MB21D2: variants seen among roughly 807,000 people sequenced by gnomAD.
MB21D2 encodes nucleotidyltransferase MB21D2.
Under a neutral mutation model 33.3 loss-of-function variants are expected in MB21D2, and 9 were observed. The ratio of observed to expected loss-of-function variants is 0.27; its 90% CI spans 0.16 to 0.47. The LOEUF is 0.47. Ranked by LOEUF, MB21D2 falls within the 20% of genes least tolerant of loss-of-function variation. The pLI, the probability that MB21D2 is intolerant of heterozygous loss-of-function variation, is 0.99. For synonymous variants in MB21D2, 241 were observed against 236.3 expected, an observed-to-expected ratio of 1.02 and a Z score of -0.18; for missense variants, 540 against 624.6, an observed-to-expected ratio of 0.86 and a Z score of 1.44.
At chr3:192,864,784 G>C (rs1010401753) in intron 1 of MB21D2, among the ~76,000 whole-genome samples, 3 of 152,176 alleles carry the variant, frequency 2.0e-5, no homozygotes, top group African/African-American at 4.8e-5. Flanking sequence ...TGGGGTTACA[G>C]GTGTGAGCCA....
chr3:192,884,468 T>A (rs570419635), intron 1 of MB21D2, among the ~76,000 whole-genome samples: 12 of 151,602 alleles, frequency 7.9e-5, no homozygotes, highest in Non-Finnish European at 7.4e-5. Context: ...CCGGGTTCAC[T>A]CCATTCTCCT....
intron 1 of MB21D2, among the ~76,000 whole-genome samples, chr3:192,897,133 G>A (rs1169900734): frequency 2.0e-5 from 3 of 152,108 alleles, no homozygotes; most frequent in Non-Finnish European, 2.9e-5. Context: ...AAACAACCTC[G>A]TGGGATCCAT....
rs1193068535 is a variant in MB21D2, at chr3:192,798,812, T to C, written c.1050A>G (p.Gln350=). 3 of 1,612,124 alleles carry C rather than the reference T, an allele frequency of 1.9e-6. No homozygotes were observed. Among genetic ancestry groups the C allele is most frequent in the South Asian group, 2.2e-5 (2 of 91,084 alleles). Residue 350 remains glutamine (Q), a synonymous_variant, in exon 2 of 2, where the codon CAA becomes CAG. Coordinates refer to ENST00000392452, the MANE Select transcript of MB21D2 (RefSeq NM_178496.4). The surrounding 1 kb of genome is among the most constrained non-coding windows in gnomAD (Gnocchi z 4.8). Reference sequence around the variant, plus strand: ...GCAAAAAGTGGGCTGCATAGTCTTCTTGAGCCAAGTAGTTGGCAGGAAGTC... The same window carrying C: ...GCAAAAAGTGGGCTGCATAGTCTTCCTGAGCCAAGTAGTTGGCAGGAAGTC... ...CDRLPANYLA[Q]EDYAAHFLLG... is the part of the protein sequence containing the mutation.
chr3:192,831,509 G>T (rs1044205603), intron 1 of MB21D2, among the ~76,000 whole-genome samples: 1 of 152,184 alleles, frequency 6.6e-6, no homozygotes, highest in Non-Finnish European at 1.5e-5. Flanking sequence ...CTGAGACTGG[G>T]TTTTCTCAAC....
At chr3:192,898,374 G>T (rs572838965) in intron 1 of MB21D2, among the ~76,000 whole-genome samples, 4 of 152,060 alleles carry the variant, frequency 2.6e-5, no homozygotes, top group African/African-American at 9.6e-5. Flanking sequence ...TGAGAAAAAA[G>T]AAATTCTCAT....
chr3:192,817,400 G>A (rs994560973), intron 1 of MB21D2, among the ~76,000 whole-genome samples: 1 of 148,448 alleles, frequency 6.7e-6, no homozygotes, highest in Non-Finnish European at 1.5e-5. Flanking sequence ...TGGTAGATAG[G>A]AGAGAGGGAA....
chr3:192,798,189 C>T lies in MB21D2; in HGVS notation c.*197G>A, dbSNP rs561909250. ...GACAATAACTACAAAAAGTAAACAACGAAATCAGAGGCAGAATATGAAATA... is the reference window on the plus strand; with the variant it reads ...GACAATAACTACAAAAAGTAAACAATGAAATCAGAGGCAGAATATGAAATA... On this transcript the variant is annotated 3_prime_UTR_variant, in exon 2 of 2. Transcript: ENST00000392452. The surrounding 1 kb of genome is among the most constrained non-coding windows in gnomAD (Gnocchi z 4.8). 6 of 573,656 alleles carry T rather than the reference C, an allele frequency of 1.0e-5. No homozygotes were observed. Among genetic ancestry groups the T allele is most frequent in the East Asian group, 5.9e-5 (2 of 34,166 alleles). 35.5% of individuals were successfully genotyped at this position (573,656 alleles called of 1,614,324 possible).
intron 1 of MB21D2, among the ~76,000 whole-genome samples, chr3:192,852,950 C>A (rs1712838764): frequency 6.6e-6 from 1 of 152,032 alleles, no homozygotes; most frequent in South Asian, 2.1e-4. Flanking sequence ...TAAAATATCC[C>A]ATCATCTTTC....
chr3:192,849,292 G>T (rs534622271), intron 1 of MB21D2, among the ~76,000 whole-genome samples: 2 of 123,994 alleles, frequency 1.6e-5, no homozygotes, highest in Non-Finnish European at 3.2e-5. Flanking sequence ...ATCTTCAAGT[G>T]CAAGTTTTTC....
chr3:192,822,353 G>A (rs1332665928), intron 1 of MB21D2, among the ~76,000 whole-genome samples: 1 of 152,172 alleles, frequency 6.6e-6, no homozygotes, highest in African/African-American at 2.4e-5. Flanking sequence ...AACAGAAAAG[G>A]TGACAGGAGT....
At chr3:192,872,590 A>AAC (rs1315564000) in intron 1 of MB21D2, among the ~76,000 whole-genome samples, 2 of 150,684 alleles carry the variant, frequency 1.3e-5, no homozygotes, top group Non-Finnish European at 3.0e-5. Context: ...AAAAAAAAAA[A>AAC]AGTTGCAAAG....
chr3:192,837,467 A>G (rs1361565597), intron 1 of MB21D2, among the ~76,000 whole-genome samples: 2 of 152,154 alleles, frequency 1.3e-5, no homozygotes, highest in Non-Finnish European at 2.9e-5. Context: ...CAAGGGGAGA[A>G]CGAGCTGCGG....
rs1483354114 is a variant in MB21D2 at position 192,796,970 on chromosome 3, A to C, written c.*1416T>G. The C allele has an allele frequency of 1.3e-5, 2 of 152,652 alleles. No homozygotes were observed. The highest frequency in any genetic ancestry group is 2.9e-5 in the Non-Finnish European group (2 of 68,038). 9.5% of individuals were successfully genotyped at this position (152,652 alleles called of 1,614,324 possible). A position where few individuals can be genotyped will look rare whatever the true frequency, so the allele number is the denominator to read the frequency against. ...TCAATTGGCCAAAATCCAACCCTTGAGTTTGGACATTCAAGACCAAAATGA... is the reference window on the plus strand; with the variant it reads ...TCAATTGGCCAAAATCCAACCCTTGCGTTTGGACATTCAAGACCAAAATGA... On this transcript the variant is annotated 3_prime_UTR_variant, in exon 2 of 2. Transcript: ENST00000392452.
At chr3:192,909,936 CAAAAAAAAAAAAAAA>C (rs61613458) in intron 1 of MB21D2, among the ~76,000 whole-genome samples, 4 of 52,804 alleles carry the variant, frequency 7.6e-5, no homozygotes, top group African/African-American at 1.6e-4. Context: ...GACTCTGTCT[CAAAAAAAAAAAAAAA>C]AAAAAAAAAA....
intron 1 of MB21D2, among the ~76,000 whole-genome samples, chr3:192,889,118 A>G (rs1372229886): frequency 6.6e-6 from 1 of 152,144 alleles, no homozygotes; most frequent in African/African-American, 2.4e-5. Flanking sequence ...AGAAGAATTA[A>G]AATCTATTTA....
At chr3:192,808,139 C>A (rs976482005) in intron 1 of MB21D2, among the ~76,000 whole-genome samples, 1 of 152,132 alleles carries the variant, frequency 6.6e-6, no homozygotes, top group Non-Finnish European at 1.5e-5. Flanking sequence ...CATTTTCATA[C>A]ACAAATCATT....
intron 1 of MB21D2, among the ~76,000 whole-genome samples, chr3:192,900,633 T>C (rs1279326904): frequency 6.6e-6 from 1 of 152,002 alleles, no homozygotes; most frequent in African/African-American, 2.4e-5. Flanking sequence ...ATTGTATTCC[T>C]ATGGCCCCAT....
At chr3:192,858,147 A>C (rs1397685365) in intron 1 of MB21D2, among the ~76,000 whole-genome samples, 2 of 152,100 alleles carry the variant, frequency 1.3e-5, no homozygotes. Context: ...CAAAACAAAC[A>C]AACAAAAAAG....
rs556895396 is a variant in MB21D2, at chr3:192,850,279, G to A, written c.212-50629C>T. On this transcript the variant is annotated intron_variant, in intron 1 of 1. Transcript: ENST00000392452. ...CTAAGCTGGGACTTCTGATCTCCCA[G>A]GAGACAGACTCTACACTGAAGGAAA... is the stretch of plus-strand genomic sequence containing the variant. Among the ~76,000 whole-genome samples the A allele has an allele frequency of 1.2e-4, 18 of 152,254 alleles. No individual in the cohort carries two copies. The South Asian group carries it at 3.3e-3, about 28-fold the overall frequency.
Sources: allele counts gnomAD v4.1 joint callset (sites outside exome capture counted in the v4.1 genomes callset), GRCh38; gene constraint gnomAD v4.1.1; non-coding constraint Gnocchi (gnomAD v3.1); transcripts MANE v1.5; gene names NCBI Gene and HGNC (gene_info 2026-07-23, HGNC 2026-07-21).